TMEM245: variants seen among roughly 807,000 people sequenced by gnomAD.
The protein encoded by TMEM245 is transmembrane protein 245, also known as protein CG-2.
In TMEM245, 69 loss-of-function variants were observed where a neutral mutation model predicts 101.2. That is an observed-to-expected ratio of 0.68 (90% CI 0.56 to 0.83). The LOEUF (loss-of-function observed/expected upper bound fraction) is 0.83. TMEM245 is among the 40% of genes least tolerant of loss of function. The pLI, the probability that TMEM245 is intolerant of heterozygous loss-of-function variation, is 0.00. For missense variants in TMEM245, 1,075 were observed against 1,092.8 expected, an observed-to-expected ratio of 0.98 and a Z score of 0.23; for synonymous variants, 537 against 449.8, an observed-to-expected ratio of 1.19 and a Z score of -2.45.
At chr9:109,067,660 C>G (rs1416769097) in intron 9 of TMEM245, among the ~76,000 whole-genome samples, 1 of 152,144 alleles carries the variant, frequency 6.6e-6, no homozygotes, top group Non-Finnish European at 1.5e-5. Flanking sequence ...CAGGAGAAAG[C>G]AGAAAATGAG....
At chr9:109,112,672 A>C (rs956012985) in intron 1 of TMEM245, among the ~76,000 whole-genome samples, 7 of 152,264 alleles carry the variant, frequency 4.6e-5, no homozygotes, top group Admixed American at 1.3e-4. Context: ...TAAAAAACAA[A>C]AAACAAAAAC....
chr9:109,118,709 T>C (rs553620536), intron 1 of TMEM245, among the ~76,000 whole-genome samples: 83 of 152,260 alleles, frequency 5.5e-4, no homozygotes, highest in African/African-American at 1.6e-3. Context: ...AAGTAAAGCG[T>C]GGAGAGGAAG....
intron 7 of TMEM245, among the ~76,000 whole-genome samples, chr9:109,084,121 T>C (rs1829765916): frequency 6.6e-6 from 1 of 150,996 alleles, no homozygotes; most frequent in Non-Finnish European, 1.5e-5. Context: ...AACAAGTAAC[T>C]CTTGAGAAAT....
chr9:109,052,102 C>G (rs1270864915), intron 12 of TMEM245, among the ~76,000 whole-genome samples: 1 of 151,924 alleles, frequency 6.6e-6, no homozygotes, highest in African/African-American at 2.4e-5. Flanking sequence ...TATAGCATAC[C>G]TGCACATTTC....
rs1440873144 is a variant in TMEM245 at position 109,016,656 on chromosome 9, GTGTTTT to G, written c.*3798_*3803del. The G allele has an allele frequency of 2.9e-3, 253 of 87,970 alleles. 1 individual carries two copies. Among genetic ancestry groups the G allele is most frequent in the African/African-American group, 9.9e-3 (242 of 24,324 alleles). The allele number at this position is 87,970 out of a possible 1,614,324, so 5.4% of individuals were successfully genotyped here. A position where few individuals can be genotyped will look rare whatever the true frequency, so the allele number is the denominator to read the frequency against. On this transcript the variant is annotated 3_prime_UTR_variant, in exon 18 of 18. Coordinates refer to ENST00000374586, the MANE Select transcript of TMEM245 (RefSeq NM_032012.4). Reference sequence around the variant, plus strand: ...CAAACAGTGGCTGCAGACAGCATGTGTGTTTTTTTTTTTTTTTTTTTTTGCAGGTTC... The same window carrying G: ...CAAACAGTGGCTGCAGACAGCATGTGTTTTTTTTTTTTTTTTTGCAGGTTC...
chr9:109,093,659 G>T, intron 3 of TMEM245, 68 bp from the exon 4 acceptor site: 1 of 1,258,260 alleles, frequency 7.9e-7, no homozygotes, highest in Non-Finnish European at 1.2e-6. Context: ...TTTAAACACA[G>T]TCCAACATTT....
chr9:109,055,367 T>C (rs1235788625), intron 12 of TMEM245, among the ~76,000 whole-genome samples: 1 of 152,252 alleles, frequency 6.6e-6, no homozygotes, highest in Non-Finnish European at 1.5e-5. Flanking sequence ...TGGGCTTTTC[T>C]ACAGGCTGAC....
At chr9:109,097,374 G>T (rs551676528) in intron 3 of TMEM245, among the ~76,000 whole-genome samples, 1 of 152,170 alleles carries the variant, frequency 6.6e-6, no homozygotes, top group Non-Finnish European at 1.5e-5. Context: ...GCAGAGTGGC[G>T]TAAGAATGCA....
chr9:109,101,408 T>C (rs577380861), intron 3 of TMEM245, among the ~76,000 whole-genome samples: 1 of 152,280 alleles, frequency 6.6e-6, no homozygotes, highest in South Asian at 2.1e-4. Flanking sequence ...TACAGTGACA[T>C]CTACAGCAGG....
At chr9:109,037,082 G>A (rs1034562798) in intron 15 of TMEM245, among the ~76,000 whole-genome samples, 2 of 152,136 alleles carry the variant, frequency 1.3e-5, no homozygotes, top group Non-Finnish European at 2.9e-5. Context: ...CAGACAAATA[G>A]GGAAAGGGGG....
chr9:109,072,361 T>A (rs760271631), intron 9 of TMEM245, among the ~76,000 whole-genome samples: 6 of 152,192 alleles, frequency 3.9e-5, no homozygotes, highest in Non-Finnish European at 8.8e-5. Context: ...ACAAAGGAGA[T>A]TGATTTAAAC....
At chr9:109,021,904 C>T (rs1302649881) in intron 17 of TMEM245, among the ~76,000 whole-genome samples, 1 of 152,146 alleles carries the variant, frequency 6.6e-6, no homozygotes, top group Non-Finnish European at 1.5e-5. Context: ...ACCTAAGGAA[C>T]AGCTCACAGT....
At chr9:109,056,497 T>A (rs1380578737) in intron 12 of TMEM245, among the ~76,000 whole-genome samples, 1 of 138,022 alleles carries the variant, frequency 7.2e-6, no homozygotes, top group East Asian at 2.2e-4. Context: ...ATGCCCGTAA[T>A]CCCAGCTACT....
intron 17 of TMEM245, 82 bp downstream of exon 17, chr9:109,033,225 C>A: frequency 7.3e-7 from 1 of 1,379,056 alleles, no homozygotes; most frequent in Non-Finnish European, 9.7e-7. Context: ...CCTGACAAGT[C>A]TGGATGAAGC....
intron 7 of TMEM245, among the ~76,000 whole-genome samples, chr9:109,081,373 ATAATAC>A (rs1829661954): frequency 6.6e-6 from 1 of 152,228 alleles, no homozygotes; most frequent in Non-Finnish European, 1.5e-5. Flanking sequence ...TATAATACTT[ATAATAC>A]AGGCATGGAC....
At chr9:109,091,614 C>A (rs1830009300) in intron 4 of TMEM245, among the ~76,000 whole-genome samples, 1 of 152,026 alleles carries the variant, frequency 6.6e-6, no homozygotes, top group Non-Finnish European at 1.5e-5. Context: ...AAAATGGAAC[C>A]AACCAATCTT....
At chr9:109,101,115 T>C (rs903575579) in intron 3 of TMEM245, among the ~76,000 whole-genome samples, 2 of 152,044 alleles carry the variant, frequency 1.3e-5, no homozygotes, top group Admixed American at 6.6e-5. Context: ...TCTTAGTCTC[T>C]AAAAACAAAA....
chr9:109,025,396 G>A (rs924609843), intron 17 of TMEM245, among the ~76,000 whole-genome samples: 8 of 152,078 alleles, frequency 5.3e-5, no homozygotes, highest in Admixed American at 6.6e-5. Flanking sequence ...TTGTACTTTC[G>A]GTATTTAATT....
intron 7 of TMEM245, among the ~76,000 whole-genome samples, chr9:109,083,911 A>AC (rs1564197248): frequency 1.8e-5 from 2 of 112,578 alleles, no homozygotes; most frequent in Admixed American, 1.8e-4. Flanking sequence ...CAAAAAAAAA[A>AC]AAAAAAAAAA....
Sources: allele counts gnomAD v4.1 joint callset (sites outside exome capture counted in the v4.1 genomes callset), GRCh38; gene constraint gnomAD v4.1.1; transcripts MANE v1.5; gene names NCBI Gene and HGNC (gene_info 2026-07-23, HGNC 2026-07-21).